Variants in OLFML1 observed in about 807,000 individuals in gnomAD.
The protein encoded by OLFML1 is olfactomedin like 1.
Under a neutral mutation model 37.3 loss-of-function variants are expected in OLFML1, and 33 were observed. The ratio of observed to expected loss-of-function variants is 0.88; its 90% CI spans 0.67 to 1.18. OLFML1 has a LOEUF of 1.18. Among genes scored for constraint, OLFML1 ranks in the 50% most tolerant of loss-of-function variants. The pLI, the probability that OLFML1 is intolerant of heterozygous loss-of-function variation, is 0.00. For missense variants in OLFML1, 545 were observed against 483.7 expected, an observed-to-expected ratio of 1.13 and a Z score of -1.19; for synonymous variants, 186 against 181.3, an observed-to-expected ratio of 1.03 and a Z score of -0.21.
At chr11:7,508,317 C>G (rs1848810154) in intron 2 of OLFML1, among the ~76,000 whole-genome samples, 1 of 152,156 alleles carries the variant, frequency 6.6e-6, no homozygotes, top group African/African-American at 2.4e-5. Context: ...CTTTATATAT[C>G]TAGTTTGAAG....
At chr11:7,491,713 A>G (rs1464180484) in intron 2 of OLFML1, among the ~76,000 whole-genome samples, 1 of 152,252 alleles carries the variant, frequency 6.6e-6, no homozygotes, top group African/African-American at 2.4e-5. Flanking sequence ...TCTTAAAACT[A>G]CACATTTACT....
chr11:7,503,340 C>G (rs1203257104), intron 2 of OLFML1, among the ~76,000 whole-genome samples: 1 of 151,944 alleles, frequency 6.6e-6, no homozygotes, highest in Non-Finnish European at 1.5e-5. Flanking sequence ...AAAAACAATC[C>G]AGAAAGATGG....
In OLFML1 at chr11:7,509,960, C is replaced by T. The variant is rs768334137; in HGVS notation, c.981C>T (p.Leu327=). 4 of 1,614,234 alleles carry T rather than the reference C, an allele frequency of 2.5e-6. No homozygotes were observed. In the East Asian group the frequency reaches 6.7e-5, roughly 27 times the overall value. Residue 327 remains leucine (L), a synonymous_variant, in exon 3 of 3, where the codon CTC becomes CTT. Coordinates refer to ENST00000329293, the MANE Select transcript of OLFML1 (RefSeq NM_198474.4). ...AEASFLLCGV[L]YVVYSTGGQG... is the part of the protein sequence containing the mutation. ...CCTCATTCCTCTTGTGTGGGGTTCT[C>T]TATGTGGTCTACAGTACTGGGGGCC...
At position 7,485,731 on chromosome 11, in the gene OLFML1, G is replaced by T; in HGVS notation, c.-145G>T. 1.3e-6 allele frequency: 1 copy of T among 793,466 alleles called. No individual in the cohort carries two copies. The allele number at this position is 793,466 out of a possible 1,614,324, so 49.2% of individuals were successfully genotyped here. On this transcript the variant is annotated 5_prime_UTR_variant, in exon 1 of 3. Coordinates refer to ENST00000329293, the MANE Select transcript of OLFML1 (RefSeq NM_198474.4). ...TCACGTATCGGGTGGAATAACAAGC[G>T]GACTTTGCTCTCTGCTGTGCAAAAC... is the stretch of plus-strand genomic sequence containing the variant.
intron 2 of OLFML1, among the ~76,000 whole-genome samples, chr11:7,494,918 C>T (rs1327387526): frequency 2.0e-5 from 3 of 151,170 alleles, no homozygotes; most frequent in African/African-American, 7.3e-5. Flanking sequence ...TAAACTCTGG[C>T]CAAGAAGGTC....
intron 2 of OLFML1, among the ~76,000 whole-genome samples, chr11:7,498,308 G>A (rs191219213): frequency 1.3e-3 from 204 of 152,300 alleles, no homozygotes; most frequent in Middle Eastern, 6.8e-3. Context: ...GGTGTATCCC[G>A]AGTTAGCAAA....
intron 2 of OLFML1, among the ~76,000 whole-genome samples, chr11:7,500,475 G>A (rs1006431335): frequency 6.6e-6 from 1 of 152,130 alleles, no homozygotes; most frequent in Non-Finnish European, 1.5e-5. Context: ...GGCTGGAGGG[G>A]TCCTGACTGG....
At position 7,510,290 on chromosome 11, in the gene OLFML1, C is replaced by G; in HGVS notation, c.*102C>G. On this transcript the variant is annotated 3_prime_UTR_variant, in exon 3 of 3. Coordinates refer to ENST00000329293, the MANE Select transcript of OLFML1 (RefSeq NM_198474.4). ...AATATAGTATCCCTCTAATCACACA[C>G]AGGAAGAGTGTGTAGAAGTGGAAAT... is the stretch of plus-strand genomic sequence containing the variant. 1.1e-6 allele frequency: 1 copy of G among 923,056 alleles called. No individual in the cohort carries two copies. The highest frequency in any genetic ancestry group is 1.6e-6 in the Non-Finnish European group (1 of 628,206). The allele number at this position is 923,056 out of a possible 1,614,324, so 57.2% of individuals were successfully genotyped here. A position where few individuals can be genotyped will look rare whatever the true frequency, so the allele number is the denominator to read the frequency against.
At position 7,510,288 on chromosome 11, in the gene OLFML1, C is replaced by CTCTTCCTGTGTGTGATT; in HGVS notation, c.*100_*101insTCTTCCTGTGTGTGATT. ...ACAATATAGTATCCCTCTAATCACA[C>CTCTTCCTGTGTGTGATT]ACAGGAAGAGTGTGTAGAAGTGGAA... On this transcript the variant is annotated 3_prime_UTR_variant, in exon 3 of 3. Coordinates refer to ENST00000329293, the MANE Select transcript of OLFML1 (RefSeq NM_198474.4). 1.1e-6 allele frequency: 1 copy of CTCTTCCTGTGTGTGATT among 938,386 alleles called. No homozygotes were observed. The highest frequency in any genetic ancestry group is 1.6e-6 in the Non-Finnish European group (1 of 641,238). 58.1% of individuals were successfully genotyped at this position (938,386 alleles called of 1,614,324 possible).
chr11:7,491,857 T>C (rs1288888127), intron 2 of OLFML1, among the ~76,000 whole-genome samples: 1 of 134,074 alleles, frequency 7.5e-6, no homozygotes, highest in African/African-American at 3.1e-5. Flanking sequence ...CTATTGCTCC[T>C]TCAAGTAGAT....
intron 2 of OLFML1, among the ~76,000 whole-genome samples, chr11:7,506,619 T>C (rs755095827): frequency 3.8e-4 from 58 of 152,130 alleles, no homozygotes; most frequent in Non-Finnish European, 1.2e-4. Context: ...AGACCCCTTA[T>C]GTGTAGTGGC....
intron 2 of OLFML1, among the ~76,000 whole-genome samples, chr11:7,507,404 A>G (rs1848798047): frequency 6.6e-6 from 1 of 152,158 alleles, no homozygotes; most frequent in Admixed American, 6.5e-5. Flanking sequence ...CGCAAACTTC[A>G]GTATCTCTCT....
chr11:7,497,219 T>G (rs367559715), intron 2 of OLFML1, among the ~76,000 whole-genome samples: 1 of 152,270 alleles, frequency 6.6e-6, no homozygotes, highest in African/African-American at 2.4e-5. Flanking sequence ...TGTACATAAT[T>G]AAAATGGAGA....
chr11:7,502,582 C>T (rs1848735395), intron 2 of OLFML1, among the ~76,000 whole-genome samples: 1 of 151,578 alleles, frequency 6.6e-6, no homozygotes, highest in Non-Finnish European at 1.5e-5. Flanking sequence ...TTTCATGTAA[C>T]ATTATAATTT....
chr11:7,506,040 A>C lies in OLFML1; in HGVS notation c.419-3358A>C, dbSNP rs1051425762. Among the ~76,000 whole-genome samples the C allele has an allele frequency of 2.8e-4, 42 of 152,198 alleles. 1 individual carries two copies. The highest frequency in any genetic ancestry group is 9.4e-4 in the African/African-American group (39 of 41,456). On this transcript the variant is annotated intron_variant, in intron 2 of 2. Transcript: ENST00000329293. ...GGTAACATTATAAAGAATAATTTCT[A>C]TGGAGTTATGGTGAAGTAAAAGAAT...
intron 2 of OLFML1, among the ~76,000 whole-genome samples, chr11:7,489,538 C>G (rs995218104): frequency 5.3e-5 from 8 of 151,710 alleles, no homozygotes; most frequent in African/African-American, 1.9e-4. Flanking sequence ...ACTGGAGAAA[C>G]TATAGAGAAC....
chr11:7,487,999 G>T, intron 1 of OLFML1, 128 bp from the exon 2 acceptor site: 1 of 654,028 alleles, frequency 1.5e-6, no homozygotes, highest in Non-Finnish European at 2.5e-6. Context: ...AATTATGGGA[G>T]ATTTCAATTT....
Position 7,509,381 on chromosome 11 carries a change from T to A in OLFML1, c.419-17T>A. ...ATGTTTATAAAGTAATCTCTCCTTT[T>A]TCTCCTGTTTGGCCAGGCTGTGACA... On this transcript the variant is annotated splice_polypyrimidine_tract_variant and intron_variant, in intron 2 of 2. Transcript: ENST00000329293. 6.4e-7 allele frequency: 1 copy of A among 1,571,252 alleles called. No homozygotes were observed. Among genetic ancestry groups the A allele is most frequent in the Non-Finnish European group, 8.6e-7 (1 of 1,159,706 alleles).
chr11:7,502,120 T>A (rs1848731228), intron 2 of OLFML1, among the ~76,000 whole-genome samples: 1 of 152,170 alleles, frequency 6.6e-6, no homozygotes, highest in Non-Finnish European at 1.5e-5. Context: ...ACTTGAAGGC[T>A]AAATAGGAGC....
Sources: allele counts gnomAD v4.1 joint callset (sites outside exome capture counted in the v4.1 genomes callset), GRCh38; gene constraint gnomAD v4.1.1; transcripts MANE v1.5; gene names NCBI Gene and HGNC (gene_info 2026-07-23, HGNC 2026-07-21).